The following TAF2 variants were observed in gnomAD, a reference collection of about 807,000 sequenced individuals.
TAF2 encodes TATA-box binding protein associated factor 2.
TAF2 carries 61 observed loss-of-function variants against 138.5 expected under a neutral mutation model. The observed-to-expected ratio is 0.44, with a 90% CI of 0.36 to 0.54. TAF2 has a LOEUF of 0.54. Ranked by LOEUF, TAF2 falls within the 20% of genes least tolerant of loss-of-function variation. TAF2 has a pLI of 0.00. For synonymous variants in TAF2, 475 were observed against 469.9 expected (o/e 1.01, Z -0.14); for missense variants, 1,090 against 1,427.9 (o/e 0.76, Z 3.81).
At chr8:119,813,348 G>A (rs950743482) in intron 3 of TAF2, among the ~76,000 whole-genome samples, 1 of 152,192 alleles carries the variant, frequency 6.6e-6, no homozygotes, top group African/African-American at 2.4e-5. Context: ...CCTTTACCAT[G>A]AGTCTACAAG....
chr8:119,775,574 G>A (rs1822170482), intron 18 of TAF2, among the ~76,000 whole-genome samples: 1 of 151,916 alleles, frequency 6.6e-6, no homozygotes, highest in Non-Finnish European at 1.5e-5. Context: ...GTGGGGGTAT[G>A]TGCCTATAGT....
chr8:119,806,047 T>C (rs62526599), intron 4 of TAF2, among the ~76,000 whole-genome samples: 45,142 of 151,458 alleles, frequency 0.3, 7,772 homozygotes, highest in African/African-American at 0.47. Context: ...TGGGATTACA[T>C]GCGCCCACCA....
At chr8:119,738,532 A>T (rs990503058) in intron 25 of TAF2, among the ~76,000 whole-genome samples, 1 of 152,184 alleles carries the variant, frequency 6.6e-6, no homozygotes, top group African/African-American at 2.4e-5. Flanking sequence ...AAGGAGATAC[A>T]TTTAATTCAC....
At chr8:119,745,857 A>C (rs559803085) in intron 23 of TAF2, among the ~76,000 whole-genome samples, 1 of 151,218 alleles carries the variant, frequency 6.6e-6, no homozygotes, top group East Asian at 1.9e-4. Flanking sequence ...ATGTTTTAAA[A>C]TGTAACACAC....
chr8:119,817,358 C>T (rs1291612754), intron 3 of TAF2, among the ~76,000 whole-genome samples: 4 of 152,038 alleles, frequency 2.6e-5, no homozygotes, highest in Admixed American at 6.6e-5. Context: ...CTCATAGGAG[C>T]CCAAACTCTA....
intron 16 of TAF2, among the ~76,000 whole-genome samples, chr8:119,782,500 T>A (rs1183338378): frequency 6.6e-6 from 1 of 152,186 alleles, no homozygotes; most frequent in Non-Finnish European, 1.5e-5. Flanking sequence ...AACTACTCAC[T>A]TATTATCATT....
intron 5 of TAF2, among the ~76,000 whole-genome samples, chr8:119,802,758 C>A (rs572785865): frequency 6.6e-6 from 1 of 152,012 alleles, no homozygotes; most frequent in Non-Finnish European, 1.5e-5. Flanking sequence ...ACTAATAATA[C>A]AAAAATTGGC....
Position 119,789,706 on chromosome 8 carries a change from G to A in TAF2, c.1454C>T (p.Ser485Phe). 1 of 1,613,898 alleles carries A rather than the reference G, an allele frequency of 6.2e-7. No individual in the cohort carries two copies. Among genetic ancestry groups the A allele is most frequent in the East Asian group, 2.2e-5 (1 of 44,830 alleles). Residue 485 changes from serine to phenylalanine, a missense_variant, in exon 12 of 26, where the codon TCT (serine) becomes TTT (phenylalanine). By Grantham distance (155) the Ser-to-Phe change is radical. Coordinates refer to ENST00000378164, the MANE Select transcript of TAF2 (RefSeq NM_003184.4). ...KLLSLASTASSQKFQSHMWSQ... is the reference protein window; with the variant it reads ...KLLSLASTASFQKFQSHMWSQ... ...CCACATATGTGACTGGAACTTCTGA[G>A]ATGAAGCAGTACTAGCCAGACTTAG...
intron 18 of TAF2, among the ~76,000 whole-genome samples, chr8:119,763,558 C>T (rs1032767032): frequency 3.3e-5 from 5 of 151,080 alleles, no homozygotes; most frequent in East Asian, 2.0e-4. Context: ...GGTGAAACCC[C>T]ATCTCTACTA....
chr8:119,810,115 T>C (rs1345883962), intron 3 of TAF2, among the ~76,000 whole-genome samples: 3 of 152,012 alleles, frequency 2.0e-5, no homozygotes, highest in Non-Finnish European at 4.4e-5. Context: ...AAAACCACTT[T>C]TTTGGGGGTG....
chr8:119,753,849 G>C (rs1021632381), intron 22 of TAF2, among the ~76,000 whole-genome samples: 1 of 152,028 alleles, frequency 6.6e-6, no homozygotes, highest in African/African-American at 2.4e-5. Context: ...CATGTATTCT[G>C]GTTAAAAAGG....
chr8:119,791,568 T>C, intron 10 of TAF2, 109 bp from the exon 11 acceptor site: 1 of 1,292,732 alleles, frequency 7.7e-7, no homozygotes. Flanking sequence ...GGAGAATATA[T>C]AAGCAATTTC....
chr8:119,735,856 A>T (rs1412187612), intron 25 of TAF2, among the ~76,000 whole-genome samples: 1 of 152,238 alleles, frequency 6.6e-6, no homozygotes, highest in Non-Finnish European at 1.5e-5. Flanking sequence ...AACAGAATAC[A>T]CAGGCGGGTG....
chr8:119,808,926 A>C lies in TAF2; in HGVS notation c.300-2525T>G, dbSNP rs182431639. 4.6e-5 allele frequency among the ~76,000 whole-genome samples: 7 copies of C among 152,330 alleles called. No individual in the cohort carries two copies. The East Asian group carries it at 1.4e-3, about 29-fold the overall frequency. Reference sequence around the variant, plus strand: ...AGAGAACAGGAAGAATAGATTTAGCATAATTGTTAAGGGCCATAGGATTTT... The same window carrying C: ...AGAGAACAGGAAGAATAGATTTAGCCTAATTGTTAAGGGCCATAGGATTTT... On this transcript the variant is annotated intron_variant, in intron 3 of 25. Coordinates refer to ENST00000378164, the MANE Select transcript of TAF2 (RefSeq NM_003184.4).
chr8:119,771,240 T>C (rs1821811813), intron 18 of TAF2, among the ~76,000 whole-genome samples: 4 of 152,118 alleles, frequency 2.6e-5, no homozygotes, highest in African/African-American at 9.7e-5. Flanking sequence ...GTAGCCATTC[T>C]TTTTTACTTT....
chr8:119,807,662 T>C (rs1824756472), intron 3 of TAF2, among the ~76,000 whole-genome samples: 1 of 152,220 alleles, frequency 6.6e-6, no homozygotes, highest in Non-Finnish European at 1.5e-5. Context: ...CGGTGGCTCA[T>C]GCCTGTAATC....
At chr8:119,828,494 T>C (rs575811716) in intron 2 of TAF2, among the ~76,000 whole-genome samples, 1 of 152,088 alleles carries the variant, frequency 6.6e-6, no homozygotes, top group South Asian at 2.1e-4. Flanking sequence ...CCCCTAACAG[T>C]CCTAGGCAAC....
In TAF2 at chr8:119,783,372, T is replaced by C; in HGVS notation, c.2112+9A>G. On this transcript the variant is annotated intron_variant, in intron 16 of 25. Coordinates refer to ENST00000378164, the MANE Select transcript of TAF2 (RefSeq NM_003184.4). ...ATAGTCATTTCCTTTATGCTGTATATAATCTCACCTTTGCAAGACAGAAGC... is the reference window on the plus strand; with the variant it reads ...ATAGTCATTTCCTTTATGCTGTATACAATCTCACCTTTGCAAGACAGAAGC... 6.2e-7 allele frequency: 1 copy of C among 1,613,978 alleles called. No homozygotes were observed. Among genetic ancestry groups the C allele is most frequent in the Non-Finnish European group, 8.5e-7 (1 of 1,179,946 alleles).
intron 9 of TAF2, among the ~76,000 whole-genome samples, chr8:119,794,477 A>G (rs187455477): frequency 2.2e-3 from 328 of 152,214 alleles, no homozygotes; most frequent in Non-Finnish European, 3.5e-3. Context: ...AATAATACAG[A>G]TGTAGTACAG....
Sources: gnomAD v4.1 joint callset for allele counts (sites outside exome capture counted in the v4.1 genomes callset) on GRCh38, gnomAD v4.1.1 for gene constraint, MANE v1.5 for transcripts, NCBI Gene and HGNC (gene_info 2026-07-23, HGNC 2026-07-21) for gene names.